ADRA1A: variants seen among roughly 807,000 people sequenced by gnomAD.
ADRA1A encodes the protein adrenoceptor alpha 1A, also known as alpha-1A adrenergic receptor.
In ADRA1A, 31 loss-of-function variants were observed where a neutral mutation model predicts 29.6. That is an observed-to-expected ratio of 1.05 (90% confidence interval 0.79 to 1.41). The LOEUF is 1.41. Ranked by LOEUF, ADRA1A falls within the 40% of genes most tolerant of loss-of-function variation. The pLI is 0.00. For missense variants in ADRA1A, 619 were observed against 601.1 expected (o/e 1.03, Z -0.31); for synonymous variants, 311 against 254.3 (o/e 1.22, Z -2.12).
intron 2 of ADRA1A, among the ~76,000 whole-genome samples, chr8:26,862,150 T>C (rs149843421): frequency 2.6e-5 from 4 of 152,212 alleles, no homozygotes; most frequent in African/African-American, 7.2e-5. Context: ...CCCCTCCCTG[T>C]CTGTAGTTGA....
At chr8:26,767,300 G>A (rs73558257), downstream of ADRA1A, among the ~76,000 whole-genome samples, 1,948 of 152,266 alleles carry the variant, frequency 0.013, 49 homozygotes, top group African/African-American at 0.044. Flanking sequence ...GTAAACATGT[G>A]AGTATAAATA....
At chr8:26,798,662 C>T (rs1808355186) in intron 2 of ADRA1A, among the ~76,000 whole-genome samples, 1 of 152,088 alleles carries the variant, frequency 6.6e-6, no homozygotes, top group Non-Finnish European at 1.5e-5. Flanking sequence ...ATGGTATCTG[C>T]CTGTGAAAAA....
At chr8:26,818,759 G>A (rs1466697584) in intron 2 of ADRA1A, among the ~76,000 whole-genome samples, 2 of 151,886 alleles carry the variant, frequency 1.3e-5, no homozygotes, top group East Asian at 1.9e-4. Context: ...GAATAAAAAG[G>A]CCAGTAATTT....
chr8:26,834,353 A>T (rs1046085608), intron 2 of ADRA1A, among the ~76,000 whole-genome samples: 3 of 152,240 alleles, frequency 2.0e-5, no homozygotes, highest in Non-Finnish European at 4.4e-5. Flanking sequence ...ACTAGACAAA[A>T]TAATTCTAAA....
chr8:26,810,907 AC>A (rs199916360), intron 2 of ADRA1A, among the ~76,000 whole-genome samples: 9 of 144,604 alleles, frequency 6.2e-5, no homozygotes, highest in South Asian at 2.1e-4. Context: ...CAATTACCTG[AC>A]AAAAAAAAAT....
At chr8:26,757,072 G>A in intron 2 of ADRA1A, 1 of 703,016 alleles carries the variant, frequency 1.4e-6, no homozygotes, top group Non-Finnish European at 2.6e-6. Context: ...TTTAATTTGG[G>A]CCAACACCAA....
chr8:26,807,509 G>A (rs1268550567), intron 2 of ADRA1A, among the ~76,000 whole-genome samples: 1 of 152,180 alleles, frequency 6.6e-6, no homozygotes, highest in African/African-American at 2.4e-5. Context: ...CAAAGATCAT[G>A]TTGCATTGTT....
At position 26,823,551 on chromosome 8, in the gene ADRA1A, C is replaced by G. The variant is rs143506730; in HGVS notation, c.883+40536G>C. On this transcript the variant is annotated intron_variant, in intron 2 of 2. Coordinates refer to ENST00000380573, the MANE Select transcript of ADRA1A (RefSeq NM_000680.4). This position sits in a 1 kb window ranked among gnomAD's most constrained non-coding sequence, Gnocchi z 4.2. The stretch of plus-strand genomic sequence containing the variant: ...CTTTCCTCCATCTTGGAAGTTGGGA[C>G]AAATGCACTGGTTCGGGGAGCGCTG... Among the ~76,000 whole-genome samples, 417 of 152,292 alleles carry G rather than the reference C, an allele frequency of 2.7e-3. 8 individuals carry two copies. Among genetic ancestry groups the G allele is most frequent in the Admixed American group, 0.023 (356 of 15,288 alleles).
chr8:26,849,810 T>C (rs540718209), intron 2 of ADRA1A, among the ~76,000 whole-genome samples: 1 of 152,018 alleles, frequency 6.6e-6, no homozygotes, highest in Non-Finnish European at 1.5e-5. Context: ...ATCTCTAAAT[T>C]GTATTCAAAC....
chr8:26,787,406 C>G lies in ADRA1A; in HGVS notation c.884-16740G>C, dbSNP rs553543044. Among the ~76,000 whole-genome samples, 25 of 152,090 alleles carry G rather than the reference C, an allele frequency of 1.6e-4. No homozygotes were observed. The South Asian group carries it at 5.0e-3, about 30-fold the overall frequency. On this transcript the variant is annotated intron_variant, in intron 2 of 2. Coordinates refer to ENST00000380573, the MANE Select transcript of ADRA1A (RefSeq NM_000680.4). The surrounding 1 kb of genome is among the most constrained non-coding windows in gnomAD (Gnocchi z 4.2). ...ACATGTTTGGACATGGAAAAAAAAC[C>G]CACACATACTATATTCTGTCTGAAA...
At chr8:26,751,403 A>G (rs1256480524), downstream of ADRA1A, among the ~76,000 whole-genome samples, 2 of 152,228 alleles carry the variant, frequency 1.3e-5, no homozygotes, top group Non-Finnish European at 2.9e-5. Flanking sequence ...AATTAATAAT[A>G]ATAATAGGCT....
At position 26,775,024 on chromosome 8, in the gene ADRA1A, G is replaced by C. The variant is rs933128356; in HGVS notation, c.884-4358C>G. 6.6e-6 allele frequency among the ~76,000 whole-genome samples: 1 copy of C among 151,934 alleles called. No homozygotes were observed. Among genetic ancestry groups the C allele is most frequent in the Non-Finnish European group, 1.5e-5 (1 of 68,030 alleles). ...GACCTAGAGGGTCAGGGCTGAACCA[G>C]CCTGGTTCAGGGGTGGGTGCCTCTG... On this transcript the variant is annotated intron_variant, in intron 2 of 2. Transcript: ENST00000380573. This position sits in a 1 kb window ranked among gnomAD's most constrained non-coding sequence, Gnocchi z 4.1.
At chr8:26,783,118 A>G (rs1775199480) in intron 2 of ADRA1A, among the ~76,000 whole-genome samples, 1 of 152,182 alleles carries the variant, frequency 6.6e-6, no homozygotes, top group African/African-American at 2.4e-5. Flanking sequence ...CACTCTTGCC[A>G]GAGAGATTCT....
At position 26,825,687 on chromosome 8, in the gene ADRA1A, A is replaced by T. The variant is rs1206915405; in HGVS notation, c.883+38400T>A. On this transcript the variant is annotated intron_variant, in intron 2 of 2. Transcript: ENST00000380573. This position sits in a 1 kb window ranked among gnomAD's most constrained non-coding sequence, Gnocchi z 5.7. ...CATTCTTTAGGAAAAATCAAAATTTAGCTTGTAATGATATATGAATTGCAC... is the reference window on the plus strand; with the variant it reads ...CATTCTTTAGGAAAAATCAAAATTTTGCTTGTAATGATATATGAATTGCAC... 1.3e-5 allele frequency among the ~76,000 whole-genome samples: 2 copies of T among 152,238 alleles called. No homozygotes were observed. The highest frequency in any genetic ancestry group is 2.9e-5 in the Non-Finnish European group (2 of 68,044).
At chr8:26,795,995 G>A (rs1188753771) in intron 2 of ADRA1A, among the ~76,000 whole-genome samples, 1 of 152,022 alleles carries the variant, frequency 6.6e-6, no homozygotes, top group Non-Finnish European at 1.5e-5. Context: ...TAAGAAAATT[G>A]AAGATATATG....
intron 2 of ADRA1A, among the ~76,000 whole-genome samples, chr8:26,824,951 G>A (rs1472573516): frequency 6.6e-6 from 1 of 152,186 alleles, no homozygotes; most frequent in African/African-American, 2.4e-5. Flanking sequence ...GAAAGAGAAG[G>A]CAGCTTCCTT....
chr8:26,804,459 C>G (rs1808819539), intron 2 of ADRA1A, among the ~76,000 whole-genome samples: 2 of 152,100 alleles, frequency 1.3e-5, no homozygotes, highest in African/African-American at 4.8e-5. Context: ...ATCTCAAAAT[C>G]ATTATCATGA....
chr8:26,795,368 G>A (rs1025456689), intron 2 of ADRA1A, among the ~76,000 whole-genome samples: 9 of 152,078 alleles, frequency 5.9e-5, no homozygotes, highest in African/African-American at 1.9e-4. Flanking sequence ...CTCGATGCTG[G>A]GGGAAAATAA....
intron 2 of ADRA1A, among the ~76,000 whole-genome samples, chr8:26,760,086 T>G (rs1805421545): frequency 6.6e-6 from 1 of 152,230 alleles, no homozygotes; most frequent in African/African-American, 2.4e-5. Flanking sequence ...CAGTAGGTAC[T>G]ATGCAGTTAG....
Sources: allele counts gnomAD v4.1 joint callset (sites outside exome capture counted in the v4.1 genomes callset), GRCh38; gene constraint gnomAD v4.1.1; non-coding constraint Gnocchi (gnomAD v3.1); transcripts MANE v1.5; gene names NCBI Gene and HGNC (gene_info 2026-07-23, HGNC 2026-07-21).